Variants in NRG3 observed in about 807,000 individuals in gnomAD.
The protein encoded by NRG3 is neuregulin 3, also known as pro-neuregulin-3, membrane-bound isoform.
Under a neutral mutation model 66.9 loss-of-function variants are expected in NRG3, and 31 were observed. That is an observed-to-expected ratio of 0.46 (90% CI 0.35 to 0.63). The LOEUF is 0.63. Ranked by LOEUF, NRG3 falls within the 20% of genes least tolerant of loss-of-function variation. The pLI is 0.00. For synonymous variants in NRG3, 393 were observed against 359.4 expected, an observed-to-expected ratio of 1.09 and a Z score of -1.06; for missense variants, 910 against 878.9, an observed-to-expected ratio of 1.04 and a Z score of -0.45.
chr10:82,061,789 TTCTG>T (rs1286044360), intron 1 of NRG3, among the ~76,000 whole-genome samples: 1 of 151,890 alleles, frequency 6.6e-6, no homozygotes, highest in Non-Finnish European at 1.5e-5. Flanking sequence ...TTCACCTTTT[TTCTG>T]TCTGTCTCCC....
At chr10:82,413,153 T>A (rs2136172322) in intron 2 of NRG3, among the ~76,000 whole-genome samples, 1 of 152,286 alleles carries the variant, frequency 6.6e-6, no homozygotes, top group South Asian at 2.1e-4. Flanking sequence ...ATTGCCCAGA[T>A]CCATCAGAGG....
intron 2 of NRG3, among the ~76,000 whole-genome samples, chr10:82,648,036 T>G (rs1043228819): frequency 1.3e-5 from 2 of 149,372 alleles, no homozygotes; most frequent in Non-Finnish European, 3.0e-5. Flanking sequence ...ATTTTGGCTT[T>G]TGTTGCCATT....
At chr10:82,362,548 G>GCTTTTTTTTTTTTTTTTTT (rs2084238761) in intron 2 of NRG3, among the ~76,000 whole-genome samples, 1 of 83,186 alleles carries the variant, frequency 1.2e-5, no homozygotes, top group Non-Finnish European at 2.2e-5. Flanking sequence ...TAATTTCTGG[G>GCTTTTTTTTTTTTTTTTTT]TTTTTTTTTT....
At chr10:81,994,900 G>T (rs531433228) in intron 1 of NRG3, among the ~76,000 whole-genome samples, 6 of 152,152 alleles carry the variant, frequency 3.9e-5, no homozygotes, top group African/African-American at 1.4e-4. Flanking sequence ...TAGCTCTTGA[G>T]TTCTAAAACG....
In NRG3 at chr10:82,116,808, G is replaced by A. The variant is rs141496623; in HGVS notation, c.823+240645G>A. Among the ~76,000 whole-genome samples, 8 of 152,074 alleles carry A rather than the reference G, an allele frequency of 5.3e-5. No homozygotes were observed. The South Asian group carries it at 1.2e-3, about 24-fold the overall frequency. On this transcript the variant is annotated intron_variant, in intron 1 of 8. Coordinates refer to ENST00000372141, the MANE Select transcript of NRG3 (RefSeq NM_001010848.4). ...GTCCATCTCCCTCATCTTCCTGCCCGATTTATAGAAGAAAGATTTGAGGAG... is the reference window on the plus strand; with the variant it reads ...GTCCATCTCCCTCATCTTCCTGCCCAATTTATAGAAGAAAGATTTGAGGAG...
At chr10:82,749,664 T>A (rs900060751) in intron 3 of NRG3, among the ~76,000 whole-genome samples, 2 of 152,216 alleles carry the variant, frequency 1.3e-5, no homozygotes, top group Admixed American at 6.5e-5. Context: ...CCCCTCCACA[T>A]CCCATATTCA....
intron 1 of NRG3, among the ~76,000 whole-genome samples, chr10:81,962,749 C>G (rs1269655409): frequency 6.6e-6 from 1 of 152,186 alleles, no homozygotes; most frequent in Non-Finnish European, 1.5e-5. Context: ...AGGTTCCCCT[C>G]CAAGATGGCT....
chr10:82,371,891 G>A (rs1310649765), intron 2 of NRG3, among the ~76,000 whole-genome samples: 3 of 152,078 alleles, frequency 2.0e-5, no homozygotes, highest in South Asian at 2.1e-4. Flanking sequence ...CTGAGGGAAG[G>A]CATCAATCTG....
chr10:82,445,929 T>C (rs2090698693), intron 2 of NRG3, among the ~76,000 whole-genome samples: 1 of 152,234 alleles, frequency 6.6e-6, no homozygotes, highest in Admixed American at 6.5e-5. Flanking sequence ...TCAACATACC[T>C]AACTCTAATG....
intron 1 of NRG3, among the ~76,000 whole-genome samples, chr10:82,059,943 C>T (rs2064051815): frequency 6.6e-6 from 1 of 152,160 alleles, no homozygotes; most frequent in African/African-American, 2.4e-5. Flanking sequence ...GGGTACTGGA[C>T]ACAGGCAAAA....
rs1347322508 is a variant in NRG3, at chr10:81,875,878, C to T, written c.538C>T (p.Arg180Cys). ...GHRVPIRASPRSTTARNTAAP... is the reference protein window; with the variant it reads ...GHRVPIRASPCSTTARNTAAP... Reference sequence around the variant, plus strand: ...CCGGGTGCCCATCCGGGCCAGCCCGCGCTCCACCACAGCACGGAACACTGC... The same window carrying T: ...CCGGGTGCCCATCCGGGCCAGCCCGTGCTCCACCACAGCACGGAACACTGC... Residue 180 changes from arginine (R) to cysteine (C), a missense_variant, in exon 1 of 9, where the codon CGC becomes TGC. Coordinates refer to ENST00000372141, the MANE Select transcript of NRG3 (RefSeq NM_001010848.4). This position sits in a 1 kb window ranked among gnomAD's most constrained non-coding sequence, Gnocchi z 5.3. The T allele has an allele frequency of 1.2e-6, 2 of 1,611,278 alleles. No individual in the cohort carries two copies. The highest frequency in any genetic ancestry group is 1.7e-6 in the Non-Finnish European group (2 of 1,179,798).
At chr10:82,859,698 G>A (rs1268620460) in intron 3 of NRG3, among the ~76,000 whole-genome samples, 2 of 152,076 alleles carry the variant, frequency 1.3e-5, no homozygotes, top group Non-Finnish European at 2.9e-5. Flanking sequence ...TGTACAATGC[G>A]GCAACTATAG....
intron 1 of NRG3, among the ~76,000 whole-genome samples, chr10:82,094,809 G>C (rs2066233934): frequency 6.6e-6 from 1 of 152,178 alleles, no homozygotes; most frequent in Non-Finnish European, 1.5e-5. Flanking sequence ...AATACTGCAT[G>C]TTCTCACATA....
At chr10:82,103,107 G>C (rs1470687174) in intron 1 of NRG3, among the ~76,000 whole-genome samples, 2 of 151,852 alleles carry the variant, frequency 1.3e-5, no homozygotes, top group Admixed American at 1.3e-4. Context: ...TATTTTTATT[G>C]GGCTTAGTAT....
intron 2 of NRG3, among the ~76,000 whole-genome samples, chr10:82,364,467 T>G (rs1280439881): frequency 2.0e-5 from 3 of 152,182 alleles, no homozygotes; most frequent in African/African-American, 7.2e-5. Context: ...AATCAGAATA[T>G]TCTATGATCT....
intron 1 of NRG3, among the ~76,000 whole-genome samples, chr10:81,902,575 A>G (rs1192262868): frequency 6.6e-6 from 1 of 152,130 alleles, no homozygotes; most frequent in Non-Finnish European, 1.5e-5. Flanking sequence ...CATGAAATAG[A>G]CCTGCCAGGG....
intron 1 of NRG3, among the ~76,000 whole-genome samples, chr10:82,284,886 G>T (rs557257068): frequency 6.6e-6 from 1 of 152,008 alleles, no homozygotes; most frequent in African/African-American, 2.4e-5. Context: ...AATACTGTAT[G>T]CATTTTTCTT....
chr10:81,933,973 T>A (rs1198016152), intron 1 of NRG3, among the ~76,000 whole-genome samples: 1 of 152,228 alleles, frequency 6.6e-6, no homozygotes, highest in African/African-American at 2.4e-5. Context: ...GAATGATTTC[T>A]TCTACCATGA....
At chr10:82,815,888 G>T (rs924406444) in intron 3 of NRG3, among the ~76,000 whole-genome samples, 1 of 152,208 alleles carries the variant, frequency 6.6e-6, no homozygotes, top group African/African-American at 2.4e-5. Flanking sequence ...CACTGGCTAG[G>T]CATGCTGGCT....
Sources: gnomAD v4.1 joint callset for allele counts (sites outside exome capture counted in the v4.1 genomes callset) on GRCh38, gnomAD v4.1.1 for gene constraint, Gnocchi (gnomAD v3.1) non-coding constraint, MANE v1.5 for transcripts, NCBI Gene and HGNC (gene_info 2026-07-23, HGNC 2026-07-21) for gene names.